RFTN2: variants seen among roughly 807,000 people sequenced by gnomAD.
RFTN2 encodes the protein raftlin family member 2.
A neutral mutation model predicts 52.7 loss-of-function variants in RFTN2; 34 were observed. That is an observed-to-expected ratio of 0.64 (90% confidence interval 0.49 to 0.86). RFTN2 has a LOEUF of 0.86. Ranked by LOEUF, RFTN2 falls within the 40% of genes least tolerant of loss-of-function variation. The pLI, the probability that RFTN2 is intolerant of heterozygous loss-of-function variation, is 0.00. For missense variants in RFTN2, 536 were observed against 600.1 expected, an observed-to-expected ratio of 0.89 and a Z score of 1.12; for synonymous variants, 203 against 217.7, an observed-to-expected ratio of 0.93 and a Z score of 0.59.
intron 3 of RFTN2, among the ~76,000 whole-genome samples, chr2:197,636,858 A>T (rs1295471106): frequency 6.7e-6 from 1 of 149,826 alleles, no homozygotes; most frequent in Non-Finnish European, 1.5e-5. Flanking sequence ...CCCATTTAGT[A>T]TGATATTGGC....
At chr2:197,672,788 G>A (rs1000007782) in intron 1 of RFTN2, among the ~76,000 whole-genome samples, 1 of 152,240 alleles carries the variant, frequency 6.6e-6, no homozygotes, top group Non-Finnish European at 1.5e-5. Flanking sequence ...TCAAGTCTAT[G>A]CTATGATTTC....
At position 197,580,222 on chromosome 2, in the gene RFTN2, T is replaced by G. The variant is rs541400939; in HGVS notation, c.1234-7942A>C. On this transcript the variant is annotated intron_variant, in intron 8 of 8. Transcript: ENST00000295049. ...GGTCCTCAAACCCCACAACAGAACT[T>G]TATTAACCTCGCCTTCAAGGTGTAC... Among the ~76,000 whole-genome samples, 5 of 152,160 alleles carry G rather than the reference T, an allele frequency of 3.3e-5. No individual in the cohort carries two copies. The South Asian group carries it at 1.0e-3, about 32-fold the overall frequency.
At chr2:197,640,974 T>C (rs2088663922) in intron 3 of RFTN2, among the ~76,000 whole-genome samples, 1 of 152,360 alleles carries the variant, frequency 6.6e-6, no homozygotes, top group South Asian at 2.1e-4. Context: ...TGCAGTGTTT[T>C]CTACTCATAG....
intron 5 of RFTN2, among the ~76,000 whole-genome samples, chr2:197,619,304 G>A (rs943204015): frequency 4.2e-4 from 64 of 152,170 alleles, no homozygotes; most frequent in African/African-American, 1.4e-3. Flanking sequence ...ATAGAAAGGG[G>A]GGAAAGGTGG....
rs1012248629 is a variant in RFTN2, at chr2:197,631,970, C to A, written c.719-750G>T. Among the ~76,000 whole-genome samples the A allele has an allele frequency of 4.6e-5, 7 of 152,292 alleles. No individual in the cohort carries two copies. In the East Asian group the frequency reaches 1.2e-3, roughly 25 times the overall value. On this transcript the variant is annotated intron_variant, in intron 4 of 8. Transcript: ENST00000295049. The stretch of plus-strand genomic sequence containing the variant: ...TGTGAATTATTGCTACCCCCATTCT[C>A]CCTCTTCTAATTAAAAACCACTGCT...
At chr2:197,591,449 GT>G (rs1462764225) in intron 8 of RFTN2, among the ~76,000 whole-genome samples, 2 of 152,144 alleles carry the variant, frequency 1.3e-5, no homozygotes, top group East Asian at 3.8e-4. Flanking sequence ...AGACATAAAG[GT>G]TCTGCAAGTC....
At chr2:197,622,273 G>A (rs2088278270) in intron 5 of RFTN2, among the ~76,000 whole-genome samples, 1 of 152,166 alleles carries the variant, frequency 6.6e-6, no homozygotes, top group South Asian at 2.1e-4. Flanking sequence ...ATAGATAAAG[G>A]TGGCTGCACA....
At chr2:197,620,858 C>T (rs1482016288) in intron 5 of RFTN2, among the ~76,000 whole-genome samples, 2 of 152,248 alleles carry the variant, frequency 1.3e-5, no homozygotes, top group East Asian at 1.9e-4. Context: ...CCTGGCTACT[C>T]GGGAGGCAGA....
chr2:197,607,180 G>A (rs1010790442), intron 7 of RFTN2, among the ~76,000 whole-genome samples: 21 of 152,144 alleles, frequency 1.4e-4, no homozygotes, highest in African/African-American at 5.1e-4. Flanking sequence ...GTTCTTTGTA[G>A]GGACATGGAT....
intron 7 of RFTN2, among the ~76,000 whole-genome samples, chr2:197,596,762 G>C (rs2087798528): frequency 6.6e-6 from 1 of 152,114 alleles, no homozygotes; most frequent in African/African-American, 2.4e-5. Flanking sequence ...ACTAATTTAG[G>C]CTGCCACATG....
At chr2:197,641,744 T>C (rs1261423590) in intron 3 of RFTN2, among the ~76,000 whole-genome samples, 1 of 152,200 alleles carries the variant, frequency 6.6e-6, no homozygotes, top group Non-Finnish European at 1.5e-5. Context: ...AACCAACTCT[T>C]TACACAAGGC....
chr2:197,592,215 G>C (rs1427052344), intron 8 of RFTN2, among the ~76,000 whole-genome samples: 2 of 151,836 alleles, frequency 1.3e-5, no homozygotes, highest in Non-Finnish European at 2.9e-5. Context: ...TTTTTTTTGA[G>C]ATGGAGTTTT....
chr2:197,579,843 T>C (rs991720478), intron 8 of RFTN2, among the ~76,000 whole-genome samples: 2 of 152,112 alleles, frequency 1.3e-5, no homozygotes, highest in Non-Finnish European at 2.9e-5. Flanking sequence ...CCCAACCCTA[T>C]AATCCTTCTA....
intron 3 of RFTN2, 72 bp from the exon 4 acceptor site, chr2:197,634,069 T>A: frequency 7.7e-7 from 1 of 1,293,308 alleles, no homozygotes; most frequent in Non-Finnish European, 1.1e-6. Context: ...CAATTAACCT[T>A]TAGGCTTATT....
intron 1 of RFTN2, among the ~76,000 whole-genome samples, chr2:197,669,531 C>T (rs1348527932): frequency 2.6e-5 from 4 of 152,164 alleles, no homozygotes; most frequent in Non-Finnish European, 4.4e-5. Flanking sequence ...GGTTTTTCTA[C>T]AGATGTGGGT....
At position 197,644,217 on chromosome 2, in the gene RFTN2, C is replaced by T; in HGVS notation, c.379G>A (p.Glu127Lys). 6.2e-7 allele frequency: 1 copy of T among 1,613,726 alleles called. No homozygotes were observed. The highest frequency in any genetic ancestry group is 8.5e-7 in the Non-Finnish European group (1 of 1,179,662). Residue 127 changes from glutamate to lysine, a missense_variant, in exon 3 of 9, where the codon GAA (glutamate) becomes AAA (lysine). Glu to Lys is a moderately conservative substitution (Grantham distance 56, BLOSUM62 1). Coordinates refer to ENST00000295049, the MANE Select transcript of RFTN2 (RefSeq NM_144629.3). ...TGTGCCTCAGAAGTTAGGGGACATT[C>T]CTCAATCACGAGCCTTGGGCGTCTT... ...GQRRPRLVIE[E>K]CPLTSEAQTN...
At chr2:197,591,646 C>T (rs564770090) in intron 8 of RFTN2, among the ~76,000 whole-genome samples, 9 of 152,234 alleles carry the variant, frequency 5.9e-5, no homozygotes, top group Admixed American at 2.6e-4. Context: ...CAGGAGCCCA[C>T]GGTGGTGGAG....
intron 7 of RFTN2, among the ~76,000 whole-genome samples, chr2:197,597,235 C>G (rs575948223): frequency 6.6e-6 from 1 of 152,266 alleles, no homozygotes; most frequent in South Asian, 2.1e-4. Context: ...AAGGCTGTTT[C>G]TAGTCTAATC....
intron 1 of RFTN2, among the ~76,000 whole-genome samples, chr2:197,674,143 A>T (rs1395879708): frequency 6.6e-6 from 1 of 152,078 alleles, no homozygotes; most frequent in Non-Finnish European, 1.5e-5. Context: ...AAATTAAGAA[A>T]TTAAGAATAT....
Sources: allele counts gnomAD v4.1 joint callset (sites outside exome capture counted in the v4.1 genomes callset), GRCh38; gene constraint gnomAD v4.1.1; transcripts MANE v1.5; gene names NCBI Gene and HGNC (gene_info 2026-07-23, HGNC 2026-07-21).